ZNF793: variants seen among roughly 807,000 people sequenced by gnomAD.
ZNF793 encodes the protein zinc finger protein 793.
ZNF793 carries 5 observed loss-of-function variants against 12.4 expected under a neutral mutation model. The ratio of observed to expected loss-of-function variants is 0.40; its 90% confidence interval spans 0.21 to 0.84. The LOEUF is 0.84. ZNF793 is among the 40% of genes least tolerant of loss of function. The pLI, the probability that ZNF793 is intolerant of heterozygous loss-of-function variation, is 0.35. For synonymous variants in ZNF793, 162 were observed against 172.4 expected (o/e 0.94, Z 0.47); for missense variants, 456 against 495.0 (o/e 0.92, Z 0.75).
intron 5 of ZNF793, among the ~76,000 whole-genome samples, chr19:37,531,783 A>G (rs2042463263): frequency 6.6e-6 from 1 of 152,178 alleles, no homozygotes; most frequent in Non-Finnish European, 1.5e-5. Context: ...TGTGCCAGAC[A>G]GTGAGCTCCT....
intron 2 of ZNF793, among the ~76,000 whole-genome samples, chr19:37,517,254 A>G (rs2042339662): frequency 6.6e-6 from 1 of 152,108 alleles, no homozygotes. Context: ...TATGTATCCA[A>G]TTACTGTTTC....
chr19:37,538,214 C>T lies in ZNF793; in HGVS notation c.*335C>T, dbSNP rs994954061. The T allele has an allele frequency of 2.0e-4, 40 of 200,138 alleles. No individual in the cohort carries two copies. The highest frequency in any genetic ancestry group is 6.6e-4 in the African/African-American group (28 of 42,344). 12.4% of individuals were successfully genotyped at this position (200,138 alleles called of 1,614,324 possible). Reference sequence around the variant, plus strand: ...ACAGGCGTGAGCCACCGCGCCTGGCCGGTATGTAGGGAATTTATCCTTAGG... The same window carrying T: ...ACAGGCGTGAGCCACCGCGCCTGGCTGGTATGTAGGGAATTTATCCTTAGG... On this transcript the variant is annotated 3_prime_UTR_variant, in exon 8 of 8. Coordinates refer to ENST00000627814, the MANE Select transcript of ZNF793 (RefSeq NM_001013659.3).
rs2042550120 is a variant in ZNF793 at position 37,541,240 on chromosome 19, A to C, written c.*3361A>C. 1 of 152,232 alleles carries C rather than the reference A, an allele frequency of 6.6e-6. No homozygotes were observed. Among genetic ancestry groups the C allele is most frequent in the East Asian group, 1.9e-4 (1 of 5,200 alleles). 9.4% of individuals were successfully genotyped at this position (152,232 alleles called of 1,614,324 possible). On this transcript the variant is annotated 3_prime_UTR_variant, in exon 8 of 8. Transcript: ENST00000627814. ...GGAAGAAAATTTGGATTAACAGCAC[A>C]AAAATAAATTCTGGGTGGCTTTAAG... is the stretch of plus-strand genomic sequence containing the variant.
intron 4 of ZNF793, 55 bp from the exon 5 acceptor site, chr19:37,523,355 A>G: frequency 7.1e-7 from 1 of 1,407,682 alleles, no homozygotes. Flanking sequence ...CTAGCTCTTT[A>G]CACTCTGTTC....
At chr19:37,533,733 G>A (rs2042481252) in intron 7 of ZNF793, 2 of 458,974 alleles carry the variant, frequency 4.4e-6, no homozygotes, top group Non-Finnish European at 7.6e-6. Flanking sequence ...AAATGCTTCA[G>A]AGCTACCTGC....
chr19:37,518,107 C>T (rs1380093091), intron 2 of ZNF793, among the ~76,000 whole-genome samples: 1 of 152,004 alleles, frequency 6.6e-6, no homozygotes, highest in African/African-American at 2.4e-5. Flanking sequence ...AGTCGGAGTA[C>T]ACCACTCCAT....
At chr19:37,518,519 T>G (rs2147071564) in intron 2 of ZNF793, among the ~76,000 whole-genome samples, 1 of 150,680 alleles carries the variant, frequency 6.6e-6, no homozygotes, top group East Asian at 2.0e-4. Flanking sequence ...ACAGGCTAGG[T>G]GTGGTGGCTC....
chr19:37,521,178 G>A (rs752431828), intron 3 of ZNF793, among the ~76,000 whole-genome samples: 3 of 151,888 alleles, frequency 2.0e-5, no homozygotes, highest in African/African-American at 7.3e-5. Flanking sequence ...TAGTAGACAC[G>A]GGGTTTCACC....
In ZNF793 at chr19:37,541,107, C is replaced by CT. The variant is rs2042549111; in HGVS notation, c.*3228_*3229insT. On this transcript the variant is annotated 3_prime_UTR_variant, in exon 8 of 8. Coordinates refer to ENST00000627814, the MANE Select transcript of ZNF793 (RefSeq NM_001013659.3). ...CAGTAGAAAATTCAGAAATAGACTT[C>CT]GATATATATGAACTTTTTCATATGT... is the stretch of plus-strand genomic sequence containing the variant. The CT allele has an allele frequency of 6.6e-6, 1 of 151,716 alleles. No individual in the cohort carries two copies. Among genetic ancestry groups the CT allele is most frequent in the African/African-American group, 2.4e-5 (1 of 41,278 alleles). The allele number at this position is 151,716 out of a possible 1,614,324, so 9.4% of individuals were successfully genotyped here.
At chr19:37,536,784 C>A in intron 7 of ZNF793, 113 bp from the exon 8 acceptor site, 1 of 1,225,942 alleles carries the variant, frequency 8.2e-7, no homozygotes, top group Non-Finnish European at 1.1e-6. Context: ...TGCGTTTGTG[C>A]TTTGGGTTAT....
chr19:37,536,957 G>T lies in ZNF793; in HGVS notation c.299G>T (p.Gly100Val). 1 of 1,613,832 alleles carries T rather than the reference G, an allele frequency of 6.2e-7. No homozygotes were observed. Residue 100 changes from glycine to valine, a missense_variant, in exon 8 of 8, where the codon GGC becomes GTC. Coordinates refer to ENST00000627814, the MANE Select transcript of ZNF793 (RefSeq NM_001013659.3). ...CGGCAAGACATGCTTTTGAGGCCAG[G>T]CGCAGCCATAAGCAAGAAAACATTG... is the stretch of plus-strand genomic sequence containing the variant. ...KRRQDMLLRP[G>V]AAISKKTLPK...
Position 37,537,444 on chromosome 19 carries a change from A to G in ZNF793, c.786A>G (p.Lys262=). The G allele has an allele frequency of 6.2e-7, 1 of 1,613,792 alleles. No homozygotes were observed. The highest frequency in any genetic ancestry group is 8.5e-7 in the Non-Finnish European group (1 of 1,179,760). ...EKPYGCTDCG[K]AFSHKSTLIK... ...CTTATGGCTGCACTGACTGTGGGAA[A>G]GCCTTTTCACATAAGTCAACCCTCA... is the stretch of plus-strand genomic sequence containing the variant. Residue 262 remains lysine, a synonymous_variant, in exon 8 of 8, where the codon AAA becomes AAG. Coordinates refer to ENST00000627814, the MANE Select transcript of ZNF793 (RefSeq NM_001013659.3).
At chr19:37,518,505 T>C (rs1279720778) in intron 2 of ZNF793, among the ~76,000 whole-genome samples, 1 of 151,690 alleles carries the variant, frequency 6.6e-6, no homozygotes, top group East Asian at 1.9e-4. Flanking sequence ...TTTTAATTGC[T>C]GGGACAGGCT....
At position 37,523,510 on chromosome 19, in the gene ZNF793, A is replaced by G. The variant is rs139670649; in HGVS notation, c.15+56A>G. ...CTTCCTGGGGAAACTGTCCTAGAGGAAAAAAAGGGTGTGCATTGTAAGTAT... is the reference window on the plus strand; with the variant it reads ...CTTCCTGGGGAAACTGTCCTAGAGGGAAAAAAGGGTGTGCATTGTAAGTAT... On this transcript the variant is annotated intron_variant, in intron 5 of 7. Transcript: ENST00000627814. 9.5e-3 allele frequency: 14,433 copies of G among 1,522,670 alleles called. 99 individuals are homozygous for G. Among genetic ancestry groups the G allele is most frequent in the Non-Finnish European group, 0.011 (12,082 of 1,099,364 alleles). 94.3% of individuals were successfully genotyped at this position (1,522,670 alleles called of 1,614,324 possible).
At chr19:37,530,516 G>A (rs544093312) in intron 5 of ZNF793, among the ~76,000 whole-genome samples, 48 of 152,202 alleles carry the variant, frequency 3.2e-4, no homozygotes, top group African/African-American at 1.1e-3. Flanking sequence ...ATTAGGGAGT[G>A]GTGATGACTC....
intron 1 of ZNF793, among the ~76,000 whole-genome samples, chr19:37,507,963 G>A (rs2042263891): frequency 6.6e-6 from 1 of 152,144 alleles, no homozygotes; most frequent in African/African-American, 2.4e-5. Flanking sequence ...TTGGTGTTGA[G>A]GGTCCTGAAA....
At chr19:37,510,962 G>T (rs1286344594) in intron 2 of ZNF793, among the ~76,000 whole-genome samples, 1 of 151,928 alleles carries the variant, frequency 6.6e-6, no homozygotes, top group African/African-American at 2.4e-5. Context: ...CTCCCAAAGT[G>T]CTGGGATTAC....
chr19:37,523,359 T>G (rs2147081776), intron 4 of ZNF793, 51 bp from the exon 5 acceptor site: 1 of 1,427,532 alleles, frequency 7.0e-7, no homozygotes, highest in Admixed American at 1.7e-5. Context: ...CTCTTTACAC[T>G]CTGTTCTCTG....
chr19:37,525,507 G>C (rs1225874300), intron 5 of ZNF793, among the ~76,000 whole-genome samples: 1 of 147,384 alleles, frequency 6.8e-6, no homozygotes, highest in African/African-American at 2.5e-5. Flanking sequence ...CACGATCTCG[G>C]CTCACTGCAA....
Sources: gnomAD v4.1 joint callset for allele counts (sites outside exome capture counted in the v4.1 genomes callset) on GRCh38, gnomAD v4.1.1 for gene constraint, MANE v1.5 for transcripts, NCBI Gene and HGNC (gene_info 2026-07-23, HGNC 2026-07-21) for gene names.